CDH3: variants seen among roughly 807,000 people sequenced by gnomAD.
CDH3 encodes cadherin 3.
In CDH3, 54 loss-of-function variants were observed where a neutral mutation model predicts 82.0. That is an observed-to-expected ratio of 0.66 (90% CI 0.53 to 0.83). CDH3 has a LOEUF of 0.83. Ranked by LOEUF, CDH3 falls within the 40% of genes least tolerant of loss-of-function variation. The probability of loss-of-function intolerance (pLI) is 0.00; values close to 1 mark genes in which losing one functional copy is unlikely to be tolerated. For synonymous variants in CDH3, 446 were observed against 437.9 expected, an observed-to-expected ratio of 1.02 and a Z score of -0.23; for missense variants, 1,054 against 1,084.6, an observed-to-expected ratio of 0.97 and a Z score of 0.40.
downstream of CDH3, among the ~76,000 whole-genome samples, chr16:68,727,541 C>T (rs919117758): frequency 9.9e-5 from 15 of 152,014 alleles, no homozygotes; most frequent in African/African-American, 3.1e-4. Flanking sequence ...TTTGGGAGGC[C>T]GAGACGAGTG....
At chr16:68,662,926 T>TG (rs1474566713) in intron 2 of CDH3, among the ~76,000 whole-genome samples, 1 of 135,280 alleles carries the variant, frequency 7.4e-6, no homozygotes, top group Non-Finnish European at 1.5e-5. Flanking sequence ...TGGAGTGCAG[T>TG]GGCGTGATCT....
intron 1 of CDH3, among the ~76,000 whole-genome samples, chr16:68,714,510 T>C (rs1962069556): frequency 1.3e-5 from 2 of 152,226 alleles, no homozygotes; most frequent in South Asian, 4.1e-4. Flanking sequence ...GGAAGCCTTC[T>C]GGATTTAGTA....
At position 68,698,202 on chromosome 16, in the gene CDH3, G is replaced by A. The variant is rs770685049; in HGVS notation, c.2292G>A (p.Ala764=). The A allele has an allele frequency of 1.7e-5, 27 of 1,614,058 alleles. No homozygotes were observed. The highest frequency in any genetic ancestry group is 1.2e-4 in the Admixed American group (7 of 59,996). ...CTCTGTTGCCGCAGAACCTGAAGGC[G>A]GCTAACACAGACCCCACAGCCCCGC... ...IGNFIIENLK[A]ANTDPTAPPY... is the part of the protein sequence containing the mutation. Residue 764 remains alanine (A), a synonymous_variant, in exon 16 of 16, where the codon GCG becomes GCA. Transcript: ENST00000264012.
chr16:68,703,329 A>G (rs768099544), downstream of CDH3, among the ~76,000 whole-genome samples: 4 of 152,052 alleles, frequency 2.6e-5, no homozygotes, highest in South Asian at 8.3e-4. Flanking sequence ...CGGGCCCACA[A>G]AGGGACTCAG....
intron 2 of CDH3, among the ~76,000 whole-genome samples, chr16:68,659,741 C>T (rs1960508712): frequency 6.6e-6 from 1 of 151,254 alleles, no homozygotes; most frequent in East Asian, 1.9e-4. Context: ...AAATTTCTTC[C>T]CCAGTTCTAC....
chr16:68,678,690 C>A (rs1180998753), intron 5 of CDH3, 34 bp downstream of exon 5: 1 of 1,614,038 alleles, frequency 6.2e-7, no homozygotes, highest in African/African-American at 1.3e-5. Flanking sequence ...GTAAATGTCC[C>A]CTCAGAAGTG....
Position 68,676,383 on chromosome 16 carries a change from A to C in CDH3, c.161-2A>C. ...AATGCTCTCTCTTCCCCTTCCCCAC[A>C]GTATTCATGGGCTGCCCTGGGCAAG... is the stretch of plus-strand genomic sequence containing the variant. On this transcript the variant is annotated splice_acceptor_variant, in intron 2 of 15. Transcript: ENST00000264012. LOFTEE classifies it high-confidence loss of function. 1 of 1,610,302 alleles carries C rather than the reference A, an allele frequency of 6.2e-7. No individual in the cohort carries two copies. Among genetic ancestry groups the C allele is most frequent in the Non-Finnish European group, 8.5e-7 (1 of 1,176,546 alleles).
intron 2 of CDH3, among the ~76,000 whole-genome samples, chr16:68,659,370 ACCAG>A (rs1274263773): frequency 1.3e-5 from 2 of 152,028 alleles, no homozygotes; most frequent in African/African-American, 4.8e-5. Flanking sequence ...GGAGTTCGAG[ACCAG>A]CCTGGGCAAC....
intron 2 of CDH3, among the ~76,000 whole-genome samples, chr16:68,648,078 G>T (rs982985872): frequency 2.0e-5 from 3 of 152,148 alleles, no homozygotes; most frequent in Non-Finnish European, 4.4e-5. Context: ...CTTGAAGCAG[G>T]TGAGGTAAAT....
intron 1 of CDH3, among the ~76,000 whole-genome samples, chr16:68,713,760 C>T (rs771811257): frequency 5.3e-5 from 8 of 152,100 alleles, no homozygotes; most frequent in African/African-American, 9.7e-5. Flanking sequence ...CCCACTGTCC[C>T]GCTCCCCAGG....
At chr16:68,713,200 C>T (rs1243591096) in intron 1 of CDH3, among the ~76,000 whole-genome samples, 1 of 152,100 alleles carries the variant, frequency 6.6e-6, no homozygotes, top group Non-Finnish European at 1.5e-5. Context: ...TTGTTTCCGT[C>T]AAGGAAAAAC....
In CDH3 at chr16:68,707,962, G is replaced by A. The variant is rs1304918390; in HGVS notation, c.99+12039G>A. Among the ~76,000 whole-genome samples the A allele has an allele frequency of 1.3e-5, 2 of 152,138 alleles. No individual in the cohort carries two copies. Among genetic ancestry groups the A allele is most frequent in the African/African-American group, 4.8e-5 (2 of 41,426 alleles). On this transcript the variant is annotated intron_variant, in intron 1 of 2. Transcript: ENST00000569080. This position sits in a 1 kb window ranked among gnomAD's most constrained non-coding sequence, Gnocchi z 4.5. ...GCCAGCCCACAGCTGACAGGGCAGG[G>A]CGCTGAGACCTCTGTGTGTCCTCCA...
intron 1 of CDH3, among the ~76,000 whole-genome samples, chr16:68,715,223 C>T (rs1184903772): frequency 2.0e-5 from 3 of 151,838 alleles, no homozygotes; most frequent in Admixed American, 1.3e-4. Flanking sequence ...GCCAGGAGTT[C>T]GAGACCAGCC....
rs765735688 is a variant in CDH3 at position 68,695,359 on chromosome 16, G to A, written c.2107G>A (p.Glu703Lys). ...CCGTGACAACGTCTTCTACTATGGC[G>A]AAGAGGGGGGTGGCGAAGAGGACCA... is the stretch of plus-strand genomic sequence containing the variant. ...DTRDNVFYYG[E>K]EGGGEEDQDY... The change falls in exon 14 of 16, where the codon GAA (glutamate) becomes AAA (lysine). Residue 703 changes from glutamate to lysine, a missense_variant. Transcript: ENST00000264012. 1.9e-5 allele frequency: 31 copies of A among 1,613,192 alleles called. No individual in the cohort carries two copies. The highest frequency in any genetic ancestry group is 1.7e-4 in the Admixed American group (10 of 59,808).
At chr16:68,720,943 AAGCACTTTGCAGGTATT>A (rs1290878290) in intron 1 of CDH3, among the ~76,000 whole-genome samples, 4 of 151,986 alleles carry the variant, frequency 2.6e-5, no homozygotes, top group African/African-American at 9.7e-5. Context: ...TAGATGTATT[AAGCACTTTGCAGGTATT>A]AGTTCATTTC....
intron 13 of CDH3, among the ~76,000 whole-genome samples, chr16:68,692,180 G>T (rs1173106414): frequency 1.3e-5 from 2 of 152,136 alleles, no homozygotes; most frequent in African/African-American, 4.8e-5. Context: ...GGGACTACAG[G>T]TGTGGGCCAC....
At chr16:68,708,754 C>A (rs970657354) in intron 1 of CDH3, among the ~76,000 whole-genome samples, 11 of 152,056 alleles carry the variant, frequency 7.2e-5, no homozygotes, top group Admixed American at 6.6e-5. Flanking sequence ...GGCGATTCTC[C>A]TGCCTCAGCC....
chr16:68,684,084 A>AG (rs1555506588), intron 9 of CDH3, among the ~76,000 whole-genome samples: 3,378 of 149,916 alleles, frequency 0.023, 45 homozygotes, highest in African/African-American at 0.033. Flanking sequence ...AAAAAAAAAA[A>AG]GCTGGGTGCG....
chr16:68,720,164 A>C (rs1597830761), intron 1 of CDH3, among the ~76,000 whole-genome samples: 1 of 151,964 alleles, frequency 6.6e-6, no homozygotes, highest in East Asian at 1.9e-4. Context: ...CTCAAGAAAA[A>C]ACTCCAAACC....
Sources: allele counts gnomAD v4.1 joint callset (sites outside exome capture counted in the v4.1 genomes callset), GRCh38; gene constraint gnomAD v4.1.1; non-coding constraint Gnocchi (gnomAD v3.1); transcripts MANE v1.5; gene names NCBI Gene and HGNC (gene_info 2026-07-23, HGNC 2026-07-21).